Variants in MIR2052HG observed in about 807,000 individuals in gnomAD.
The protein encoded by MIR2052HG is MIR2052 host gene.
chr8:74,745,591 G>A (rs996140129), intron 4 of MIR2052HG, among the ~76,000 whole-genome samples: 1 of 151,938 alleles, frequency 6.6e-6, no homozygotes, highest in Admixed American at 6.6e-5. Context: ...CTGTAAATAG[G>A]CATGCAAAAC....
At chr8:74,716,967 A>G (rs1459783159) in intron 4 of MIR2052HG, among the ~76,000 whole-genome samples, 2 of 152,166 alleles carry the variant, frequency 1.3e-5, no homozygotes, top group Admixed American at 1.3e-4. Context: ...TAACTTTCTC[A>G]AGCATACACA....
chr8:74,635,189 G>A (rs1012197095), intron 2 of MIR2052HG, among the ~76,000 whole-genome samples: 1 of 151,734 alleles, frequency 6.6e-6, no homozygotes, highest in Admixed American at 6.6e-5. Flanking sequence ...ATATTTATGG[G>A]TACCTATTAT....
intron 4 of MIR2052HG, among the ~76,000 whole-genome samples, chr8:74,725,693 A>G (rs921125541): frequency 6.6e-6 from 1 of 152,122 alleles, no homozygotes; most frequent in Non-Finnish European, 1.5e-5. Flanking sequence ...TTTTTATGCT[A>G]AAGCCCGGAA....
chr8:74,607,023 C>CA (rs978594490), intron 1 of MIR2052HG, among the ~76,000 whole-genome samples: 1 of 149,212 alleles, frequency 6.7e-6, no homozygotes, highest in Non-Finnish European at 1.5e-5. Context: ...AACTAAAAGG[C>CA]AAAAAAATTG....
intron 2 of MIR2052HG, among the ~76,000 whole-genome samples, chr8:74,693,387 T>C (rs1298591663): frequency 6.6e-6 from 1 of 152,060 alleles, no homozygotes; most frequent in East Asian, 1.9e-4. Context: ...ATCTGAACTT[T>C]GTAATAATTT....
chr8:74,631,328 C>A (rs1447237909), intron 2 of MIR2052HG, among the ~76,000 whole-genome samples: 6 of 152,206 alleles, frequency 3.9e-5, no homozygotes, highest in Non-Finnish European at 5.9e-5. Context: ...CTAGTTATAG[C>A]AGCAATGGTT....
chr8:74,696,670 A>G (rs1224428276), intron 2 of MIR2052HG, among the ~76,000 whole-genome samples: 1 of 152,094 alleles, frequency 6.6e-6, no homozygotes. Context: ...ACAAAACATC[A>G]TTCAAGCCTA....
chr8:74,664,851 A>G (rs972110948), intron 2 of MIR2052HG, among the ~76,000 whole-genome samples: 2 of 152,096 alleles, frequency 1.3e-5, no homozygotes, highest in African/African-American at 4.8e-5. Context: ...TTCCACTCCA[A>G]CAACTTCCTG....
intron 1 of MIR2052HG, chr8:74,609,641 T>C (rs1263346800): frequency 6.6e-6 from 1 of 151,302 alleles, no homozygotes; most frequent in Non-Finnish European, 1.5e-5. Context: ...GAGTTTAACA[T>C]ATAAAGATCA....
At chr8:74,750,771 G>T (rs1285022240) in intron 4 of MIR2052HG, among the ~76,000 whole-genome samples, 1 of 152,076 alleles carries the variant, frequency 6.6e-6, no homozygotes, top group Non-Finnish European at 1.5e-5. Flanking sequence ...AGTAGATAAG[G>T]GTAACTAGGA....
At chr8:74,602,555 A>G (rs1808017235) in intron 1 of MIR2052HG, among the ~76,000 whole-genome samples, 1 of 147,156 alleles carries the variant, frequency 6.8e-6, no homozygotes, top group Non-Finnish European at 1.5e-5. Context: ...TCCATTGCCC[A>G]GGCTGGAGTG....
chr8:74,614,856 T>A (rs1003549044), intron 2 of MIR2052HG, among the ~76,000 whole-genome samples: 1 of 152,128 alleles, frequency 6.6e-6, no homozygotes, highest in African/African-American at 2.4e-5. Flanking sequence ...TTCATCTTTT[T>A]TTTTTTTCAC....
At chr8:74,673,651 C>T (rs1809017168) in intron 2 of MIR2052HG, among the ~76,000 whole-genome samples, 1 of 151,736 alleles carries the variant, frequency 6.6e-6, no homozygotes, top group Admixed American at 6.6e-5. Flanking sequence ...TGGTCTTGGG[C>T]TAGAAAAGAA....
At chr8:74,730,951 A>G (rs967166545) in intron 4 of MIR2052HG, among the ~76,000 whole-genome samples, 1 of 152,182 alleles carries the variant, frequency 6.6e-6, no homozygotes. Context: ...TGGTGTACAA[A>G]TATGTGAATG....
At chr8:74,744,408 C>T (rs1004608020) in intron 4 of MIR2052HG, among the ~76,000 whole-genome samples, 5 of 151,776 alleles carry the variant, frequency 3.3e-5, no homozygotes, top group Non-Finnish European at 7.4e-5. Context: ...ATGTGCCATG[C>T]TGGTGTGCTG....
At chr8:74,665,024 C>A (rs1808907024) in intron 2 of MIR2052HG, among the ~76,000 whole-genome samples, 1 of 152,168 alleles carries the variant, frequency 6.6e-6, no homozygotes, top group African/African-American at 2.4e-5. Context: ...TATTTCCTGG[C>A]CTTCTTTGAA....
intron 1 of MIR2052HG, among the ~76,000 whole-genome samples, chr8:74,608,222 G>A (rs1370974078): frequency 1.3e-5 from 2 of 150,822 alleles, no homozygotes; most frequent in Non-Finnish European, 2.9e-5. Flanking sequence ...CACATAATTA[G>A]ATGAACTTGC....
intron 4 of MIR2052HG, among the ~76,000 whole-genome samples, chr8:74,741,798 C>T (rs1388915186): frequency 6.6e-6 from 1 of 152,038 alleles, no homozygotes; most frequent in African/African-American, 2.4e-5. Context: ...TAAGCGTGGG[C>T]GCCATTTTAA....
At chr8:74,723,223 A>G (rs1266956077) in intron 4 of MIR2052HG, among the ~76,000 whole-genome samples, 1 of 152,188 alleles carries the variant, frequency 6.6e-6, no homozygotes, top group Non-Finnish European at 1.5e-5. Flanking sequence ...TCTCCTCTCT[A>G]ATTCTATCAG....
Sources: allele counts gnomAD v4.1 joint callset (sites outside exome capture counted in the v4.1 genomes callset), GRCh38; gene constraint gnomAD v4.1.1; transcripts MANE v1.5; gene names NCBI Gene and HGNC (gene_info 2026-07-23, HGNC 2026-07-21).